PTBP1: variants seen among roughly 807,000 people sequenced by gnomAD.
The protein encoded by PTBP1 is polypyrimidine tract-binding protein 1.
Under a neutral mutation model 59.8 loss-of-function variants are expected in PTBP1, and 8 were observed. That is an observed-to-expected ratio of 0.13 (90% CI 0.08 to 0.24). The LOEUF is 0.24. Among genes scored for constraint, PTBP1 ranks in the 10% least tolerant of loss-of-function variants. The probability of loss-of-function intolerance (pLI) is 1.00; values close to 1 mark genes in which losing one functional copy is unlikely to be tolerated. For missense variants in PTBP1, 686 were observed against 767.0 expected (o/e 0.89, Z 1.25); for synonymous variants, 490 against 320.7 (o/e 1.53, Z -5.64).
rs539957775 is a variant in PTBP1, at chr19:805,272, C to G, written c.892+85C>G. ...CGGAGCCCCGGCGGCACGGGCCCGGCCCTGCACCAGGGTGATGCACCTGCT... is the reference window on the plus strand; with the variant it reads ...CGGAGCCCCGGCGGCACGGGCCCGGGCCTGCACCAGGGTGATGCACCTGCT... On this transcript the variant is annotated intron_variant, in intron 8 of 14. Transcript: ENST00000356948. The G allele has an allele frequency of 4.2e-4, 632 of 1,487,500 alleles. 7 individuals carry two copies. In the African/African-American group the frequency reaches 7.4e-3, roughly 18 times the overall value. The allele number at this position is 1,487,500 out of a possible 1,614,324, so 92.1% of individuals were successfully genotyped here.
At chr19:799,112 C>T (rs1327881255) in intron 1 of PTBP1, among the ~76,000 whole-genome samples, 4 of 152,238 alleles carry the variant, frequency 2.6e-5, no homozygotes, top group African/African-American at 4.8e-5. Context: ...TCGGGGCTTC[C>T]GATGGGGGTG....
At position 808,206 on chromosome 19, in the gene PTBP1, C is replaced by T. The variant is rs2034666457; in HGVS notation, c.1154-154C>T. On this transcript the variant is annotated intron_variant, in intron 11 of 14. Transcript: ENST00000356948. The surrounding 1 kb of genome is among the most constrained non-coding windows in gnomAD (Gnocchi z 4.7). ...GAACGGAGCTGCTCCTGTTAGCGCG[C>T]CCTGTGGCTGCGAGACGCAGCTCCG... 2.9e-6 allele frequency: 2 copies of T among 686,944 alleles called. No individual in the cohort carries two copies. The highest frequency in any genetic ancestry group is 1.8e-5 in the South Asian group (1 of 56,456). 42.6% of individuals were successfully genotyped at this position (686,944 alleles called of 1,614,324 possible). A position where few individuals can be genotyped will look rare whatever the true frequency, so the allele number is the denominator to read the frequency against.
intron 8 of PTBP1, 28 bp downstream of exon 8, chr19:805,215 T>C (rs1317735762): frequency 1.1e-5 from 17 of 1,610,202 alleles, no homozygotes; most frequent in Non-Finnish European, 1.4e-5. Context: ...GCGGCGCCAG[T>C]GTGCAGAGTG....
Position 808,463 on chromosome 19 carries a change from G to T in PTBP1, c.1246+11G>T, listed in dbSNP as rs111236665. On this transcript the variant is annotated intron_variant, in intron 12 of 14. Coordinates refer to ENST00000356948, the MANE Select transcript of PTBP1 (RefSeq NM_002819.5). This position sits in a 1 kb window ranked among gnomAD's most constrained non-coding sequence, Gnocchi z 4.7. ...ACCAGGCCCAGCTGGGTAAGAGGCCGGGGCGGCCCCGGGGTGGAGGGGGCA... is the reference window on the plus strand; with the variant it reads ...ACCAGGCCCAGCTGGGTAAGAGGCCTGGGCGGCCCCGGGGTGGAGGGGGCA... 4.1e-5 allele frequency: 66 copies of T among 1,590,548 alleles called. No individual in the cohort carries two copies. In the African/African-American group the frequency reaches 5.0e-4, roughly 12 times the overall value.
At position 811,092 on chromosome 19, in the gene PTBP1, G is replaced by T. The variant is rs1486442903; in HGVS notation, c.*266G>T. On this transcript the variant is annotated 3_prime_UTR_variant, in exon 15 of 15. Transcript: ENST00000356948. ...GGCCAGACCCTCGGGGCCATGCCTT[G>T]GTGGGGCCTGTGTCGGGCGTGGGGC... 5.4e-6 allele frequency: 2 copies of T among 372,736 alleles called. No individual in the cohort carries two copies. The highest frequency in any genetic ancestry group is 4.8e-6 in the Non-Finnish European group (1 of 209,924). The allele number at this position is 372,736 out of a possible 1,614,324, so 23.1% of individuals were successfully genotyped here.
chr19:797,480 G>A lies in PTBP1; in HGVS notation c.-18G>A, dbSNP rs376495656. 1.1e-5 allele frequency: 18 copies of A among 1,593,114 alleles called. No homozygotes were observed. The highest frequency in any genetic ancestry group is 2.3e-5 in the East Asian group (1 of 43,416). On this transcript the variant is annotated 5_prime_UTR_variant, in exon 1 of 15. Coordinates refer to ENST00000356948, the MANE Select transcript of PTBP1 (RefSeq NM_002819.5). Reference sequence around the variant, plus strand: ...CCGGCGCCTCCACTCCGTCCCCCGCGGGTCTGCTCTGTGTGCCATGGACGG... The same window carrying A: ...CCGGCGCCTCCACTCCGTCCCCCGCAGGTCTGCTCTGTGTGCCATGGACGG...
rs1410306477 is a variant in PTBP1 at position 812,023 on chromosome 19, TATA to T, written c.*1200_*1202del. On this transcript the variant is annotated 3_prime_UTR_variant, in exon 15 of 15. Coordinates refer to ENST00000356948, the MANE Select transcript of PTBP1 (RefSeq NM_002819.5). ...AGCGTGTAACAAGGGTGTAAATATT[TATA>T]ATTTTTTATACCTGTTGTGAGACCC... The T allele has an allele frequency of 6.6e-6, 1 of 152,332 alleles. No individual in the cohort carries two copies. The highest frequency in any genetic ancestry group is 1.5e-5 in the Non-Finnish European group (1 of 68,038). 9.4% of individuals were successfully genotyped at this position (152,332 alleles called of 1,614,324 possible).
rs530885112 is a variant in PTBP1, at chr19:799,678, C to T, written c.39+235C>T. On this transcript the variant is annotated intron_variant, in intron 2 of 14. Coordinates refer to ENST00000356948, the MANE Select transcript of PTBP1 (RefSeq NM_002819.5). The stretch of plus-strand genomic sequence containing the variant: ...CCCCTCAGGTCTGGAATCTGAGCTG[C>T]TCTTCGGTTCTTGCTGTCAGCAGCG... Among the ~76,000 whole-genome samples, 4 of 152,342 alleles carry T rather than the reference C, an allele frequency of 2.6e-5. No homozygotes were observed. In the South Asian group the frequency reaches 8.3e-4, roughly 32 times the overall value.
intron 10 of PTBP1, chr19:806,870 C>T (rs1454763411): frequency 4.1e-6 from 1 of 241,480 alleles, no homozygotes; most frequent in South Asian, 1.4e-4. Flanking sequence ...CAGCAGGCCG[C>T]CCTGCTGGTC....
chr19:806,235 G>T (rs1348296346), intron 9 of PTBP1, 173 bp from the exon 10 acceptor site: 4 of 616,412 alleles, frequency 6.5e-6, no homozygotes, highest in African/African-American at 2.0e-5. Flanking sequence ...AGGAGCCGGC[G>T]GGTGGCTGTG....
At chr19:809,917 C>A (rs775896261) in intron 13 of PTBP1, among the ~76,000 whole-genome samples, 1 of 152,118 alleles carries the variant, frequency 6.6e-6, no homozygotes, top group Non-Finnish European at 1.5e-5. Context: ...TTACATAATG[C>A]AAGTATTTGG....
intron 2 of PTBP1, among the ~76,000 whole-genome samples, chr19:799,959 G>T (rs1351810846): frequency 6.6e-6 from 1 of 151,982 alleles, no homozygotes; most frequent in East Asian, 1.9e-4. Flanking sequence ...ATGGAGTCTT[G>T]CTTTGTCACC....
rs990520831 is a variant in PTBP1 at position 805,403 on chromosome 19, G to A, written c.893-89G>A. 1.7e-5 allele frequency: 24 copies of A among 1,379,552 alleles called. No individual in the cohort carries two copies. The Admixed American group carries it at 2.8e-4, about 16-fold the overall frequency. 85.5% of individuals were successfully genotyped at this position (1,379,552 alleles called of 1,614,324 possible). On this transcript the variant is annotated intron_variant, in intron 8 of 14. Transcript: ENST00000356948. ...CGCGAAGGCTCTGCCGGGGCCGCCCGCCGGCCGGGTTGGGGCCCATCCCGC... is the reference window on the plus strand; with the variant it reads ...CGCGAAGGCTCTGCCGGGGCCGCCCACCGGCCGGGTTGGGGCCCATCCCGC...
chr19:806,987 C>T (rs561923251), intron 10 of PTBP1: 16 of 157,720 alleles, frequency 1.0e-4, no homozygotes, highest in East Asian at 9.3e-4. Flanking sequence ...TTAAATTCCC[C>T]TCGGGGAGAG....
At chr19:803,264 G>A (rs1036543464) in intron 2 of PTBP1, among the ~76,000 whole-genome samples, 10 of 152,214 alleles carry the variant, frequency 6.6e-5, no homozygotes, top group Admixed American at 3.9e-4. Flanking sequence ...TGGCCGTGGA[G>A]ATAGTGTACG....
chr19:799,760 C>A (rs780423341), intron 2 of PTBP1, among the ~76,000 whole-genome samples: 1 of 152,182 alleles, frequency 6.6e-6, no homozygotes, highest in Non-Finnish European at 1.5e-5. Context: ...AGGCTGGAAT[C>A]GTGCCGTTCA....
Position 810,810 on chromosome 19 carries a change from C to G in PTBP1, c.1658C>G (p.Ser553Cys). ...GENHHLRVSFSKSTI is the reference protein window; with the variant it reads ...GENHHLRVSFCKSTI ...AACCACCACCTGCGGGTCTCCTTCT[C>G]CAAGTCCACCATCTAGGGGCACAGG... Residue 553 changes from serine to cysteine, a missense_variant, in exon 15 of 15, where the codon TCC becomes TGC. By Grantham distance (112) the Ser-to-Cys change is moderately radical (BLOSUM62 -1). Transcript: ENST00000356948. 6.3e-7 allele frequency: 1 copy of G among 1,584,744 alleles called. No homozygotes were observed. Among genetic ancestry groups the G allele is most frequent in the Non-Finnish European group, 8.5e-7 (1 of 1,169,844 alleles).
Position 808,260 on chromosome 19 carries a change from G to A in PTBP1, c.1154-100G>A. On this transcript the variant is annotated intron_variant, in intron 11 of 14. Transcript: ENST00000356948. The surrounding 1 kb of genome is among the most constrained non-coding windows in gnomAD (Gnocchi z 4.7). ...TGGCCGATAAAGCAAACCCGGCCGGGCTGAGCCGGGCCTTGTGGGGGTGCG... is the reference window on the plus strand; with the variant it reads ...TGGCCGATAAAGCAAACCCGGCCGGACTGAGCCGGGCCTTGTGGGGGTGCG... 1.9e-6 allele frequency: 2 copies of A among 1,031,048 alleles called. No individual in the cohort carries two copies. The highest frequency in any genetic ancestry group is 2.9e-6 in the Non-Finnish European group (2 of 683,222). 63.9% of individuals were successfully genotyped at this position (1,031,048 alleles called of 1,614,324 possible).
intron 2 of PTBP1, among the ~76,000 whole-genome samples, chr19:801,884 GAA>G (rs2034352256): frequency 6.6e-6 from 1 of 152,176 alleles, no homozygotes; most frequent in Admixed American, 6.5e-5. Flanking sequence ...CCCAGACTCT[GAA>G]AGCGAGAGGA....
Sources: allele counts gnomAD v4.1 joint callset (sites outside exome capture counted in the v4.1 genomes callset), GRCh38; gene constraint gnomAD v4.1.1; non-coding constraint Gnocchi (gnomAD v3.1); transcripts MANE v1.5; gene names NCBI Gene and HGNC (gene_info 2026-07-23, HGNC 2026-07-21).